The following GNAL variants were observed in gnomAD, a reference collection of about 807,000 sequenced individuals.
GNAL encodes the protein guanine nucleotide-binding protein G(olf) subunit alpha.
In GNAL, 18 loss-of-function variants were observed where a neutral mutation model predicts 55.1. That is an observed-to-expected ratio of 0.33 (90% confidence interval 0.23 to 0.48). The LOEUF (loss-of-function observed/expected upper bound fraction) is 0.48. GNAL is among the 20% of genes least tolerant of loss of function. The pLI is 0.99. For synonymous variants in GNAL, 253 were observed against 237.0 expected, an observed-to-expected ratio of 1.07 and a Z score of -0.62; for missense variants, 412 against 614.1, an observed-to-expected ratio of 0.67 and a Z score of 3.48.
intron 5 of GNAL, among the ~76,000 whole-genome samples, chr18:11,844,702 G>A (rs111651439): frequency 2.2e-4 from 33 of 152,238 alleles, no homozygotes; most frequent in African/African-American, 5.5e-4. Flanking sequence ...ACTCAATGCA[G>A]ACTAGCCCTG....
At chr18:11,753,441 C>T (rs2032930002) in intron 2 of GNAL, 187 bp from the exon 3 acceptor site, 2 of 541,194 alleles carry the variant, frequency 3.7e-6, no homozygotes, top group African/African-American at 1.9e-5. Flanking sequence ...GTTTAGAGTA[C>T]AAATTAGAAA....
intron 1 of GNAL, among the ~76,000 whole-genome samples, chr18:11,699,734 G>C (rs1368715991): frequency 6.6e-6 from 1 of 152,078 alleles, no homozygotes; most frequent in African/African-American, 2.4e-5. Flanking sequence ...GGACTTTTAG[G>C]GCAGGGAAAC....
intron 5 of GNAL, among the ~76,000 whole-genome samples, chr18:11,848,733 A>C (rs2035791721): frequency 6.6e-6 from 1 of 151,930 alleles, no homozygotes; most frequent in Non-Finnish European, 1.5e-5. Context: ...CTAGGATTAC[A>C]TTCCTGAGCC....
intron 5 of GNAL, among the ~76,000 whole-genome samples, chr18:11,844,425 A>T (rs1345355797): frequency 6.6e-6 from 1 of 152,128 alleles, no homozygotes; most frequent in Admixed American, 6.6e-5. Flanking sequence ...CAAGAGCGAA[A>T]CTCTATCTCA....
At chr18:11,734,960 A>G (rs1165576365) in intron 1 of GNAL, among the ~76,000 whole-genome samples, 1 of 146,480 alleles carries the variant, frequency 6.8e-6, no homozygotes, top group Non-Finnish European at 1.5e-5. Context: ...CATCCTAGAT[A>G]AAGAGAAAGG....
At position 11,864,525 on chromosome 18, in the gene GNAL, GT is replaced by G; in HGVS notation, c.778-6del. On this transcript the variant is annotated splice_polypyrimidine_tract_variant and splice_region_variant and intron_variant, in intron 6 of 11. Transcript: ENST00000334049. ...TAACTCAGCTTGTTTCCCTCTTCTTGTTCCCAGGACCTCCTCAGATGCAGAG... is the reference window on the plus strand; with the variant it reads ...TAACTCAGCTTGTTTCCCTCTTCTTGTCCCAGGACCTCCTCAGATGCAGAG... 6.7e-7 allele frequency: 1 copy of G among 1,492,822 alleles called. No homozygotes were observed. The highest frequency in any genetic ancestry group is 9.4e-7 in the Non-Finnish European group (1 of 1,069,310). 92.5% of individuals were successfully genotyped at this position (1,492,822 alleles called of 1,614,324 possible).
chr18:11,815,647 G>C (rs2034936566), intron 4 of GNAL, among the ~76,000 whole-genome samples: 1 of 152,120 alleles, frequency 6.6e-6, no homozygotes, highest in African/African-American at 2.4e-5. Flanking sequence ...CTAAGATACA[G>C]TTCCAAACCA....
At chr18:11,731,044 CTG>C (rs777000334) in intron 1 of GNAL, among the ~76,000 whole-genome samples, 5 of 152,200 alleles carry the variant, frequency 3.3e-5, no homozygotes, top group Non-Finnish European at 4.4e-5. Context: ...CTGATGATCT[CTG>C]TTTTAATGTT....
chr18:11,702,695 C>T (rs1303530516), intron 1 of GNAL, among the ~76,000 whole-genome samples: 2 of 152,006 alleles, frequency 1.3e-5, no homozygotes, highest in Non-Finnish European at 2.9e-5. Context: ...TATCAACCAG[C>T]CATTGCAGCA....
At chr18:11,873,231 A>G (rs192707001) in intron 10 of GNAL, among the ~76,000 whole-genome samples, 13 of 152,374 alleles carry the variant, frequency 8.5e-5, no homozygotes, top group Admixed American at 5.9e-4. Flanking sequence ...TAAGATTTGG[A>G]AAATTTATTT....
At chr18:11,707,561 AG>A (rs1347789525) in intron 1 of GNAL, among the ~76,000 whole-genome samples, 4 of 152,334 alleles carry the variant, frequency 2.6e-5, no homozygotes, top group Admixed American at 1.3e-4. Context: ...CTAATTCTGG[AG>A]GGCCCTAGGA....
chr18:11,846,406 TATATATAAATATATAAATAC>T (rs1330306298), intron 5 of GNAL, among the ~76,000 whole-genome samples: 1 of 147,458 alleles, frequency 6.8e-6, no homozygotes, highest in African/African-American at 2.5e-5. Context: ...ATCATTTTTT[TATATATAAATATATAAATAC>T]ATATATAAAT....
chr18:11,776,526 G>A (rs1398006551), intron 4 of GNAL, among the ~76,000 whole-genome samples: 2 of 151,856 alleles, frequency 1.3e-5, no homozygotes, highest in South Asian at 2.1e-4. Context: ...AGGCAACATA[G>A]CAAGACCCCA....
chr18:11,790,948 C>T (rs1019222694), intron 4 of GNAL, among the ~76,000 whole-genome samples: 7 of 151,688 alleles, frequency 4.6e-5, no homozygotes, highest in African/African-American at 7.3e-5. Context: ...TGAGCCACCG[C>T]GTCCAGCCAG....
intron 5 of GNAL, among the ~76,000 whole-genome samples, chr18:11,845,294 C>T (rs989505007): frequency 2.6e-5 from 4 of 152,156 alleles, no homozygotes; most frequent in Admixed American, 2.6e-4. Context: ...CAATCCTGTC[C>T]TTCTATCTTC....
rs671365 is a variant in GNAL at position 11,885,577 on chromosome 18, T to C, written c.*4442T>C. 135,116 of 1,430,258 alleles carry C rather than the reference T, an allele frequency of 0.094. 10,395 individuals are homozygous for C. The highest frequency in any genetic ancestry group is 0.37 in the African/African-American group (25,941 of 70,604). The allele number at this position is 1,430,258 out of a possible 1,614,324, so 88.6% of individuals were successfully genotyped here. On this transcript the variant is annotated 3_prime_UTR_variant, in exon 12 of 12. Coordinates refer to ENST00000334049, the MANE Select transcript of GNAL (RefSeq NM_182978.4). The stretch of plus-strand genomic sequence containing the variant: ...GAAGGAGAGAAATTTGTGTGTGGCT[T>C]TTGTAAATTTTGACCGATTGCAGCA...
At chr18:11,819,036 A>G (rs2035027829) in intron 4 of GNAL, among the ~76,000 whole-genome samples, 1 of 150,984 alleles carries the variant, frequency 6.6e-6, no homozygotes. Context: ...CACAGCCGCC[A>G]GACAGACGGC....
chr18:11,871,244 T>C (rs1348318797), intron 9 of GNAL, among the ~76,000 whole-genome samples: 4 of 148,568 alleles, frequency 2.7e-5, no homozygotes, highest in Non-Finnish European at 5.9e-5. Flanking sequence ...TGTGTGTGGG[T>C]TTTTCTTTCT....
chr18:11,790,216 G>A (rs550013659), intron 4 of GNAL, among the ~76,000 whole-genome samples: 3 of 152,086 alleles, frequency 2.0e-5, no homozygotes, highest in Non-Finnish European at 4.4e-5. Context: ...GTGCAAGTGG[G>A]CAGGGGGTGT....
Sources: allele counts gnomAD v4.1 joint callset (sites outside exome capture counted in the v4.1 genomes callset), GRCh38; gene constraint gnomAD v4.1.1; transcripts MANE v1.5; gene names NCBI Gene and HGNC (gene_info 2026-07-23, HGNC 2026-07-21).